Variants in GRIK2 observed in about 807,000 individuals in gnomAD.
GRIK2 encodes glutamate ionotropic receptor kainate type subunit 2, also known as glutamate receptor ionotropic, kainate 2.
Under a neutral mutation model 100.3 loss-of-function variants are expected in GRIK2, and 32 were observed. That is an observed-to-expected ratio of 0.32 (90% CI 0.24 to 0.43). The LOEUF (loss-of-function observed/expected upper bound fraction) is 0.43, where lower values mean the gene tolerates loss of function less well. Ranked by LOEUF, GRIK2 falls within the 20% of genes least tolerant of loss-of-function variation. The pLI is 1.00. For synonymous variants in GRIK2, 417 were observed against 389.4 expected (o/e 1.07, Z -0.83); for missense variants, 843 against 1,114.9 (o/e 0.76, Z 3.47).
intron 14 of GRIK2, among the ~76,000 whole-genome samples, chr6:102,021,947 A>G (rs868354470): frequency 9.7e-5 from 13 of 134,052 alleles, no homozygotes; most frequent in African/African-American, 3.7e-4. Flanking sequence ...CAGGATGCTG[A>G]TACATTCGGA....
chr6:101,646,586 A>T (rs1051995311), intron 4 of GRIK2, among the ~76,000 whole-genome samples: 10 of 152,126 alleles, frequency 6.6e-5, no homozygotes, highest in Middle Eastern at 3.4e-3. Flanking sequence ...AAAAGCCAAA[A>T]AAGTAAGAAT....
intron 2 of GRIK2, among the ~76,000 whole-genome samples, chr6:101,468,258 G>T (rs1771762962): frequency 6.6e-6 from 1 of 152,094 alleles, no homozygotes; most frequent in Admixed American, 6.6e-5. Context: ...CCCACAGAAA[G>T]AACTATAACA....
chr6:101,803,229 A>T (rs1189474483), intron 9 of GRIK2, among the ~76,000 whole-genome samples: 1 of 151,858 alleles, frequency 6.6e-6, no homozygotes, highest in African/African-American at 2.4e-5. Flanking sequence ...TCACCCAGCA[A>T]TGAAACATGC....
At chr6:101,977,231 C>CTATGT (rs58581420) in intron 14 of GRIK2, among the ~76,000 whole-genome samples, 25,848 of 146,424 alleles carry the variant, frequency 0.18, 3,008 homozygotes, top group African/African-American at 0.33. Context: ...TTATTAGTGG[C>CTATGT]TATGTTATGT....
chr6:101,703,834 A>G (rs1032189817), intron 7 of GRIK2, among the ~76,000 whole-genome samples: 6 of 137,906 alleles, frequency 4.4e-5, no homozygotes, highest in Admixed American at 2.8e-4. Flanking sequence ...ATTGCATTAT[A>G]AAAAAAAAAA....
chr6:101,961,132 C>T (rs1382892778), intron 14 of GRIK2, among the ~76,000 whole-genome samples: 1 of 152,136 alleles, frequency 6.6e-6, no homozygotes, highest in African/African-American at 2.4e-5. Context: ...CACATCACAC[C>T]CTTCTTCCAG....
At chr6:102,063,758 T>TTAA (rs1771868394) in intron 16 of GRIK2, among the ~76,000 whole-genome samples, 1 of 144,574 alleles carries the variant, frequency 6.9e-6, no homozygotes, top group South Asian at 2.1e-4. Flanking sequence ...TAGAGCTCTT[T>TTAA]AAAAAAAAAA....
intron 2 of GRIK2, among the ~76,000 whole-genome samples, chr6:101,412,080 A>G (rs191260523): frequency 1.6e-4 from 25 of 152,144 alleles, no homozygotes; most frequent in Admixed American, 1.4e-3. Context: ...ATTTATTAGA[A>G]AACATGGAAA....
chr6:101,576,077 G>A lies in GRIK2; in HGVS notation c.116-45872G>A, dbSNP rs375389449. Among the ~76,000 whole-genome samples the A allele has an allele frequency of 8.6e-5, 13 of 152,036 alleles. No individual in the cohort carries two copies. In the East Asian group the frequency reaches 2.3e-3, roughly 27 times the overall value. Reference sequence around the variant, plus strand: ...GTTTGAAATTATATTATCATATTATGATATATGATATTATGATAGGATATT... The same window carrying A: ...GTTTGAAATTATATTATCATATTATAATATATGATATTATGATAGGATATT... On this transcript the variant is annotated intron_variant, in intron 2 of 16. Transcript: ENST00000369134.
chr6:101,822,471 T>A (rs915067877), intron 10 of GRIK2, among the ~76,000 whole-genome samples: 1 of 151,918 alleles, frequency 6.6e-6, no homozygotes, highest in Admixed American at 6.6e-5. Context: ...TATTCAAGCA[T>A]CCTAAAGCGG....
At chr6:101,548,568 T>C (rs1776361142) in intron 2 of GRIK2, among the ~76,000 whole-genome samples, 1 of 152,248 alleles carries the variant, frequency 6.6e-6, no homozygotes, top group Non-Finnish European at 1.5e-5. Context: ...CACCATTTAT[T>C]AAATAGGGAA....
intron 4 of GRIK2, among the ~76,000 whole-genome samples, chr6:101,641,876 C>CT (rs1295581331): frequency 6.6e-6 from 1 of 151,816 alleles, no homozygotes; most frequent in African/African-American, 2.4e-5. Flanking sequence ...TTGAAAATGA[C>CT]TTTTTTCTTT....
At chr6:101,542,163 G>T (rs1191278353) in intron 2 of GRIK2, among the ~76,000 whole-genome samples, 1 of 151,772 alleles carries the variant, frequency 6.6e-6, no homozygotes, top group Non-Finnish European at 1.5e-5. Context: ...ATCCTTTAAA[G>T]CTTTTATGAA....
At chr6:101,742,748 C>G (rs1467437924) in intron 7 of GRIK2, among the ~76,000 whole-genome samples, 2 of 152,056 alleles carry the variant, frequency 1.3e-5, no homozygotes, top group Non-Finnish European at 2.9e-5. Flanking sequence ...AAAGTTTTAC[C>G]ATGCAGATGA....
At chr6:102,019,461 A>ATTCT (rs1769309811) in intron 14 of GRIK2, among the ~76,000 whole-genome samples, 1 of 152,024 alleles carries the variant, frequency 6.6e-6, no homozygotes, top group Non-Finnish European at 1.5e-5. Flanking sequence ...CCAGACTAAC[A>ATTCT]TTCTTACTCA....
At chr6:101,974,974 G>A (rs1291189598) in intron 14 of GRIK2, among the ~76,000 whole-genome samples, 1 of 151,864 alleles carries the variant, frequency 6.6e-6, no homozygotes, top group Non-Finnish European at 1.5e-5. Context: ...ATAGGGTAAG[G>A]TAGGATCAAG....
chr6:101,695,532 T>G (rs1009139125), intron 7 of GRIK2, among the ~76,000 whole-genome samples: 1 of 152,156 alleles, frequency 6.6e-6, no homozygotes, highest in African/African-American at 2.4e-5. Flanking sequence ...TATTTATCTA[T>G]GTACTAAACT....
chr6:101,522,913 T>C (rs1774949457), intron 2 of GRIK2, among the ~76,000 whole-genome samples: 1 of 150,166 alleles, frequency 6.7e-6, no homozygotes, highest in Non-Finnish European at 1.5e-5. Flanking sequence ...ATATATTAAA[T>C]ATATATGTGT....
chr6:101,744,558 A>ATATATCTATC (rs751011648), intron 7 of GRIK2: 74 of 114,998 alleles, frequency 6.4e-4, no homozygotes, highest in African/African-American at 2.6e-3. Flanking sequence ...ATATATATAT[A>ATATATCTATC]TCACAATTTC....
Sources: allele counts gnomAD v4.1 joint callset (sites outside exome capture counted in the v4.1 genomes callset), GRCh38; gene constraint gnomAD v4.1.1; transcripts MANE v1.5; gene names NCBI Gene and HGNC (gene_info 2026-07-23, HGNC 2026-07-21).